TMEM135: variants seen among roughly 807,000 people sequenced by gnomAD.
TMEM135 encodes peroxisomal membrane protein 52.
Under a neutral mutation model 60.3 loss-of-function variants are expected in TMEM135, and 30 were observed. That is an observed-to-expected ratio of 0.50 (90% CI 0.37 to 0.68). TMEM135 has a LOEUF of 0.68. Among genes scored for constraint, TMEM135 ranks in the 30% least tolerant of loss-of-function variants. The pLI is 0.00. For synonymous variants in TMEM135, 190 were observed against 186.7 expected, an observed-to-expected ratio of 1.02 and a Z score of -0.14; for missense variants, 468 against 548.8, an observed-to-expected ratio of 0.85 and a Z score of 1.47.
At chr11:87,155,968 T>TG (rs1938684037) in intron 4 of TMEM135, among the ~76,000 whole-genome samples, 1 of 152,224 alleles carries the variant, frequency 6.6e-6, no homozygotes, top group African/African-American at 2.4e-5. Flanking sequence ...GGACAGTATG[T>TG]ACTGTTTCTA....
At position 87,321,327 on chromosome 11, in the gene TMEM135, T is replaced by C. The variant is rs1175753903; in HGVS notation, c.1371T>C (p.Phe457=). ...TTVTPELPTE[F]S is the part of the protein sequence containing the mutation. ...TAACACCAGAGTTGCCCACAGAGTTTTCCTGAAGATGACTGTAACTTATTA... is the reference window on the plus strand; with the variant it reads ...TAACACCAGAGTTGCCCACAGAGTTCTCCTGAAGATGACTGTAACTTATTA... Residue 457 remains phenylalanine (F), a synonymous_variant, in exon 15 of 15, where the codon TTT becomes TTC. Coordinates refer to ENST00000305494, the MANE Select transcript of TMEM135 (RefSeq NM_022918.4). The C allele has an allele frequency of 6.2e-7, 1 of 1,613,600 alleles. No individual in the cohort carries two copies. The highest frequency in any genetic ancestry group is 8.5e-7 in the Non-Finnish European group (1 of 1,179,642).
At chr11:87,186,653 A>G (rs527771901) in intron 5 of TMEM135, among the ~76,000 whole-genome samples, 3 of 152,344 alleles carry the variant, frequency 2.0e-5, no homozygotes, top group Admixed American at 1.3e-4. Context: ...AGGAGATTTG[A>G]ATAATTCACA....
intron 6 of TMEM135, among the ~76,000 whole-genome samples, chr11:87,282,976 TATTTG>T (rs1942095758): frequency 6.6e-6 from 1 of 152,098 alleles, no homozygotes; most frequent in Non-Finnish European, 1.5e-5. Context: ...TAAGCTGGAG[TATTTG>T]AAATTAAATG....
chr11:87,154,199 C>T (rs117602185), intron 4 of TMEM135, among the ~76,000 whole-genome samples: 1 of 152,198 alleles, frequency 6.6e-6, no homozygotes, highest in Non-Finnish European at 1.5e-5. Flanking sequence ...TTTCACTACT[C>T]TAGATACTTC....
intron 6 of TMEM135, among the ~76,000 whole-genome samples, chr11:87,276,818 G>A (rs1941976472): frequency 6.6e-6 from 1 of 151,544 alleles, no homozygotes; most frequent in Non-Finnish European, 1.5e-5. Flanking sequence ...ACTGGCATGC[G>A]AGGCCACCAT....
intron 6 of TMEM135, among the ~76,000 whole-genome samples, chr11:87,238,097 G>T (rs1941045047): frequency 6.6e-6 from 1 of 151,470 alleles, no homozygotes; most frequent in Non-Finnish European, 1.5e-5. Context: ...TCCAAATTTT[G>T]CTATTGTGAC....
chr11:87,087,654 A>G lies in TMEM135; in HGVS notation c.363-3708A>G, dbSNP rs564805311. On this transcript the variant is annotated intron_variant, in intron 3 of 14. Transcript: ENST00000305494. ...TGTTATACTCGGCTTAATCATTTGC[A>G]TCAAGTGTACCAAGAATAATTATTT... Among the ~76,000 whole-genome samples the G allele has an allele frequency of 1.2e-3, 184 of 152,322 alleles. 1 individual carries two copies. Among genetic ancestry groups the G allele is most frequent in the African/African-American group, 4.3e-3 (177 of 41,566 alleles).
intron 4 of TMEM135, among the ~76,000 whole-genome samples, chr11:87,103,010 A>T (rs1425631929): frequency 6.6e-6 from 1 of 152,064 alleles, no homozygotes; most frequent in Non-Finnish European, 1.5e-5. Context: ...AAGATTCCAC[A>T]TATAAGTGAG....
intron 4 of TMEM135, among the ~76,000 whole-genome samples, chr11:87,117,011 T>G (rs904071203): frequency 1.3e-5 from 2 of 152,090 alleles, no homozygotes; most frequent in Admixed American, 1.3e-4. Flanking sequence ...ATGGTAGAGA[T>G]GGGGTTTCAC....
intron 4 of TMEM135, among the ~76,000 whole-genome samples, chr11:87,150,327 G>A (rs1264646747): frequency 6.6e-6 from 1 of 152,086 alleles, no homozygotes; most frequent in Non-Finnish European, 1.5e-5. Flanking sequence ...CAATGCAGAG[G>A]CAACCACTTG....
intron 12 of TMEM135, among the ~76,000 whole-genome samples, chr11:87,317,834 G>C (rs1301980949): frequency 3.9e-5 from 6 of 152,066 alleles, no homozygotes. Flanking sequence ...AGATCTATCA[G>C]GGAAGAGAAC....
In TMEM135 at chr11:87,127,632, G is replaced by A. The variant is rs544404688; in HGVS notation, c.397-29709G>A. On this transcript the variant is annotated intron_variant, in intron 4 of 14. Transcript: ENST00000305494. ...TGCCAATTTAGGATGTTAGTCTTCAGTAGACTAAGTTTCTGTAAGAGGCCA... is the reference window on the plus strand; with the variant it reads ...TGCCAATTTAGGATGTTAGTCTTCAATAGACTAAGTTTCTGTAAGAGGCCA... Among the ~76,000 whole-genome samples, 5 of 152,284 alleles carry A rather than the reference G, an allele frequency of 3.3e-5. No individual in the cohort carries two copies. In the South Asian group the frequency reaches 8.3e-4, roughly 25 times the overall value.
At chr11:87,202,188 G>C (rs1940117732) in intron 5 of TMEM135, among the ~76,000 whole-genome samples, 1 of 152,070 alleles carries the variant, frequency 6.6e-6, no homozygotes, top group South Asian at 2.1e-4. Context: ...ACCACTCCTG[G>C]CTAATTTTTG....
chr11:87,042,690 A>G (rs1234572793), intron 1 of TMEM135, among the ~76,000 whole-genome samples: 4 of 152,166 alleles, frequency 2.6e-5, no homozygotes, highest in East Asian at 1.9e-4. Context: ...GGTCTTATGT[A>G]TCTGCTTTTC....
intron 5 of TMEM135, chr11:87,178,677 C>T (rs977320852): frequency 8.4e-5 from 30 of 358,760 alleles, no homozygotes; most frequent in Non-Finnish European, 1.5e-4. Context: ...CTGCCTGTCT[C>T]GGCCTCCCAA....
intron 5 of TMEM135, among the ~76,000 whole-genome samples, chr11:87,232,620 A>T (rs1462551336): frequency 6.6e-6 from 1 of 152,148 alleles, no homozygotes; most frequent in Non-Finnish European, 1.5e-5. Flanking sequence ...CTACATTTTT[A>T]AGTCAAAGTG....
At position 87,211,624 on chromosome 11, in the gene TMEM135, A is replaced by G. The variant is rs955752599; in HGVS notation, c.463-25014A>G. Among the ~76,000 whole-genome samples the G allele has an allele frequency of 2.6e-5, 4 of 152,324 alleles. No individual in the cohort carries two copies. The East Asian group carries it at 5.8e-4, about 22-fold the overall frequency. ...AGGAAGAAAGTAGAAAGAGAACAGCAAAACAGATCTGTTTTTCGACTGCTC... is the reference window on the plus strand; with the variant it reads ...AGGAAGAAAGTAGAAAGAGAACAGCGAAACAGATCTGTTTTTCGACTGCTC... On this transcript the variant is annotated intron_variant, in intron 5 of 14. Coordinates refer to ENST00000305494, the MANE Select transcript of TMEM135 (RefSeq NM_022918.4).
intron 5 of TMEM135, among the ~76,000 whole-genome samples, chr11:87,234,343 T>C (rs1940949648): frequency 6.6e-6 from 1 of 152,124 alleles, no homozygotes; most frequent in African/African-American, 2.4e-5. Context: ...CAAAGACTTT[T>C]GTCCATTTTG....
At chr11:87,141,818 C>T (rs573051801) in intron 4 of TMEM135, among the ~76,000 whole-genome samples, 2 of 151,848 alleles carry the variant, frequency 1.3e-5, no homozygotes, top group African/African-American at 4.8e-5. Flanking sequence ...AAAAAGTAAA[C>T]ATTTAAAATT....
Sources: gnomAD v4.1 joint callset for allele counts (sites outside exome capture counted in the v4.1 genomes callset) on GRCh38, gnomAD v4.1.1 for gene constraint, MANE v1.5 for transcripts, NCBI Gene and HGNC (gene_info 2026-07-23, HGNC 2026-07-21) for gene names.